The following ESR1 variants were observed in gnomAD, a reference collection of about 807,000 sequenced individuals.
ESR1 encodes estrogen receptor.
Under a neutral mutation model 52.7 loss-of-function variants are expected in ESR1, and 12 were observed. The ratio of observed to expected loss-of-function variants is 0.23; its 90% confidence interval spans 0.15 to 0.37. The LOEUF is 0.37. ESR1 is among the 10% of genes least tolerant of loss of function. The pLI, the probability that ESR1 is intolerant of heterozygous loss-of-function variation, is 1.00. For synonymous variants in ESR1, 305 were observed against 316.8 expected, an observed-to-expected ratio of 0.96 and a Z score of 0.39; for missense variants, 584 against 779.7, an observed-to-expected ratio of 0.75 and a Z score of 2.99.
upstream of ESR1, among the ~76,000 whole-genome samples, chr6:151,687,562 A>G (rs780182260): frequency 3.9e-5 from 6 of 152,220 alleles, no homozygotes; most frequent in Admixed American, 3.9e-4. Flanking sequence ...ACACAGTCCA[A>G]ATAAAAAACC....
exon 7 of ESR1, chr6:152,129,309 C>G (rs1270841397): frequency 6.6e-6 from 1 of 152,202 alleles, no homozygotes; most frequent in Non-Finnish European, 1.5e-5. Flanking sequence ...TCATTTGTAT[C>G]AACCAAAGAA....
intron 4 of ESR1, among the ~76,000 whole-genome samples, chr6:152,011,154 C>T (rs1186460689): frequency 6.6e-6 from 1 of 152,044 alleles, no homozygotes; most frequent in African/African-American, 2.4e-5. Context: ...TTTTCTGAGT[C>T]TTTCTTTTAC....
chr6:151,807,502 C>CAAGTA, upstream of ESR1: 1 of 298,940 alleles, frequency 3.3e-6, no homozygotes, highest in East Asian at 7.2e-5. Context: ...GCAGCGACGA[C>CAAGTA]AAGTAAAGTA....
At chr6:151,727,478 AGGT>A (rs1189441169) in intron 2 of ESR1, among the ~76,000 whole-genome samples, 1 of 152,220 alleles carries the variant, frequency 6.6e-6, no homozygotes, top group Non-Finnish European at 1.5e-5. Flanking sequence ...CTGGGATTAC[AGGT>A]GTGAGCCACT....
chr6:152,080,763 A>C (rs1428854897), intron 6 of ESR1, among the ~76,000 whole-genome samples: 1 of 152,212 alleles, frequency 6.6e-6, no homozygotes, highest in Non-Finnish European at 1.5e-5. Context: ...TCTCACGTGC[A>C]AAAATGCACA....
intron 2 of ESR1, among the ~76,000 whole-genome samples, chr6:151,858,115 A>T (rs746294834): frequency 9.9e-5 from 15 of 152,190 alleles, no homozygotes; most frequent in Non-Finnish European, 2.1e-4. Context: ...TCTGTTTGCA[A>T]GAGGTCAAAT....
intron 6 of ESR1, among the ~76,000 whole-genome samples, chr6:152,090,713 T>C (rs2050112786): frequency 1.3e-5 from 2 of 152,086 alleles, no homozygotes; most frequent in East Asian, 1.9e-4. Flanking sequence ...GAAGGGAGAA[T>C]GTCCAAGCAA....
chr6:151,850,017 T>C (rs1786104576), intron 2 of ESR1, among the ~76,000 whole-genome samples: 2 of 129,946 alleles, frequency 1.5e-5, no homozygotes, highest in South Asian at 4.6e-4. Flanking sequence ...ATTTTGTATA[T>C]ATATACAAAA....
At chr6:151,851,724 C>T (rs76858653) in intron 2 of ESR1, among the ~76,000 whole-genome samples, 10,497 of 152,094 alleles carry the variant, frequency 0.069, 771 homozygotes, top group East Asian at 0.25. Flanking sequence ...GACGGGGTTT[C>T]ACCATGTTGG....
intron 6 of ESR1, among the ~76,000 whole-genome samples, chr6:152,113,575 TGTG>T (rs1200658627): frequency 1.5e-5 from 2 of 129,946 alleles, no homozygotes; most frequent in Non-Finnish European, 3.1e-5. Context: ...GATCTCATAT[TGTG>T]TGTGTGTGTG....
chr6:152,030,418 G>A (rs912050866), intron 5 of ESR1, among the ~76,000 whole-genome samples: 13 of 152,134 alleles, frequency 8.5e-5, no homozygotes, highest in Admixed American at 3.9e-4. Flanking sequence ...ACACACATAG[G>A]CTCAAAATAA....
intron 6 of ESR1, among the ~76,000 whole-genome samples, chr6:152,087,076 A>G (rs2049783092): frequency 6.6e-6 from 1 of 152,204 alleles, no homozygotes; most frequent in African/African-American, 2.4e-5. Flanking sequence ...TGAGGGCTTT[A>G]TCAAACTAAA....
Position 152,061,499 on chromosome 6 carries a change from G to T in ESR1, c.1369+375G>T, listed in dbSNP as rs1442096509. On this transcript the variant is annotated intron_variant, in intron 6 of 7. Transcript: ENST00000206249. The surrounding 1 kb of genome is among the most constrained non-coding windows in gnomAD (Gnocchi z 4.3). Reference sequence around the variant, plus strand: ...GTTAAGAAATTGTGACCAATTCCAGGCTCCAGATAGTAAAGAAAGAGGGTT... The same window carrying T: ...GTTAAGAAATTGTGACCAATTCCAGTCTCCAGATAGTAAAGAAAGAGGGTT... Among the ~76,000 whole-genome samples, 2 of 152,140 alleles carry T rather than the reference G, an allele frequency of 1.3e-5. No individual in the cohort carries two copies. Among genetic ancestry groups the T allele is most frequent in the African/African-American group, 2.4e-5 (1 of 41,456 alleles).
intron 3 of ESR1, among the ~76,000 whole-genome samples, chr6:151,888,401 C>A (rs1794201210): frequency 6.6e-6 from 1 of 151,882 alleles, no homozygotes; most frequent in Non-Finnish European, 1.5e-5. Context: ...AATTTATTCC[C>A]AAATATTTTG....
chr6:152,019,123 A>G (rs1183381588), intron 5 of ESR1, among the ~76,000 whole-genome samples: 1 of 152,240 alleles, frequency 6.6e-6, no homozygotes, highest in Non-Finnish European at 1.5e-5. Context: ...GACCAAAAGA[A>G]AGGAGAAGTG....
chr6:151,946,395 TA>T (rs1157804717), intron 4 of ESR1, among the ~76,000 whole-genome samples: 1 of 152,214 alleles, frequency 6.6e-6, no homozygotes, highest in Non-Finnish European at 1.5e-5. Context: ...CAACTGGAAT[TA>T]AGCTCAAATA....
At chr6:151,750,997 T>TA (rs1783861109) in intron 2 of ESR1, among the ~76,000 whole-genome samples, 1 of 152,228 alleles carries the variant, frequency 6.6e-6, no homozygotes, top group South Asian at 2.1e-4. Flanking sequence ...AACTGAAGCT[T>TA]AAATAGCGTA....
intron 1 of ESR1, among the ~76,000 whole-genome samples, chr6:151,816,515 T>C (rs1779674310): frequency 6.6e-6 from 1 of 152,210 alleles, no homozygotes; most frequent in Non-Finnish European, 1.5e-5. Flanking sequence ...TTATTACTAC[T>C]TCGGAAGGGA....
At chr6:151,964,002 G>T (rs1038657359) in intron 4 of ESR1, among the ~76,000 whole-genome samples, 1 of 152,038 alleles carries the variant, frequency 6.6e-6, no homozygotes, top group Non-Finnish European at 1.5e-5. Flanking sequence ...TTATTTCTGG[G>T]CCTTCTAATC....
Sources: gnomAD v4.1 joint callset for allele counts (sites outside exome capture counted in the v4.1 genomes callset) on GRCh38, gnomAD v4.1.1 for gene constraint, Gnocchi (gnomAD v3.1) non-coding constraint, MANE v1.5 for transcripts, NCBI Gene and HGNC (gene_info 2026-07-23, HGNC 2026-07-21) for gene names.